The following TMPRSS15 variants were observed in gnomAD, a reference collection of about 807,000 sequenced individuals.
TMPRSS15 encodes the protein enteropeptidase.
TMPRSS15 carries 128 observed loss-of-function variants against 125.3 expected under a neutral mutation model. The ratio of observed to expected loss-of-function variants is 1.02; its 90% confidence interval spans 0.89 to 1.18. The LOEUF (loss-of-function observed/expected upper bound fraction) is 1.18. Among genes scored for constraint, TMPRSS15 ranks in the 50% most tolerant of loss-of-function variants. The pLI is 0.00. For missense variants in TMPRSS15, 1,283 were observed against 1,212.7 expected (o/e 1.06, Z -0.86); for synonymous variants, 446 against 423.2 (o/e 1.05, Z -0.66).
intron 16 of TMPRSS15, among the ~76,000 whole-genome samples, chr21:18,319,619 G>A (rs1056954730): frequency 6.6e-6 from 1 of 151,832 alleles, no homozygotes; most frequent in African/African-American, 2.4e-5. Context: ...GGTGAGACGG[G>A]GTTTTCTCAA....
At chr21:18,369,859 C>T (rs1372003816) in intron 6 of TMPRSS15, among the ~76,000 whole-genome samples, 1 of 150,760 alleles carries the variant, frequency 6.6e-6, no homozygotes, top group Non-Finnish European at 1.5e-5. Context: ...AATAAAGCAA[C>T]TTGTACTCTT....
At chr21:18,485,547 T>A (rs1234510980) in intron 1 of TMPRSS15, among the ~76,000 whole-genome samples, 1 of 152,068 alleles carries the variant, frequency 6.6e-6, no homozygotes, top group Non-Finnish European at 1.5e-5. Flanking sequence ...TAATCATGTA[T>A]AGTTACAAAA....
intron 16 of TMPRSS15, among the ~76,000 whole-genome samples, chr21:18,322,078 T>C (rs934739864): frequency 6.6e-6 from 1 of 152,194 alleles, no homozygotes; most frequent in African/African-American, 2.4e-5. Context: ...CACCATAAAA[T>C]TGGTGTCTTT....
At chr21:18,337,972 C>T (rs891709625) in intron 13 of TMPRSS15, among the ~76,000 whole-genome samples, 2 of 152,120 alleles carry the variant, frequency 1.3e-5, no homozygotes, top group Non-Finnish European at 2.9e-5. Context: ...AGACTCCGGG[C>T]AGATTCTAAA....
At chr21:18,318,422 A>G (rs1191617338) in intron 16 of TMPRSS15, among the ~76,000 whole-genome samples, 1 of 152,172 alleles carries the variant, frequency 6.6e-6, no homozygotes, top group Middle Eastern at 3.2e-3. Context: ...ATAAATAAAT[A>G]AATAAAAATA....
intron 1 of TMPRSS15, among the ~76,000 whole-genome samples, chr21:18,422,660 A>C (rs377301160): frequency 3.3e-5 from 5 of 152,258 alleles, no homozygotes; most frequent in East Asian, 1.9e-4. Context: ...TGAGGCACAA[A>C]GCATTTAAAT....
intron 4 of TMPRSS15, among the ~76,000 whole-genome samples, chr21:18,381,868 C>G (rs2075895925): frequency 6.6e-6 from 1 of 151,974 alleles, no homozygotes; most frequent in Admixed American, 6.6e-5. Context: ...GGAGAAATAA[C>G]TAACAGGTGC....
intron 4 of TMPRSS15, among the ~76,000 whole-genome samples, chr21:18,379,778 T>C (rs1264837412): frequency 1.3e-5 from 2 of 152,094 alleles, no homozygotes; most frequent in Non-Finnish European, 2.9e-5. Flanking sequence ...ATGTTACTTA[T>C]TATTTAATTT....
At chr21:18,401,765 A>C (rs2076096639) in intron 1 of TMPRSS15, among the ~76,000 whole-genome samples, 1 of 152,228 alleles carries the variant, frequency 6.6e-6, no homozygotes, top group African/African-American at 2.4e-5. Flanking sequence ...AGCAGTATGC[A>C]TTATGATCTC....
intron 18 of TMPRSS15, among the ~76,000 whole-genome samples, chr21:18,304,786 A>T (rs567433602): frequency 1.5e-4 from 23 of 152,286 alleles, no homozygotes; most frequent in Admixed American, 9.2e-4. Flanking sequence ...GGATTTAAAA[A>T]TTTTTGATAA....
At chr21:18,365,027 C>T (rs551214336) in intron 7 of TMPRSS15, 113 bp downstream of exon 7, 2 of 892,932 alleles carry the variant, frequency 2.2e-6, no homozygotes, top group Admixed American at 2.1e-5. Flanking sequence ...GAGGTTTTTG[C>T]TTCATAGTTA....
At chr21:18,479,642 C>T (rs1978943482) in intron 1 of TMPRSS15, among the ~76,000 whole-genome samples, 1 of 152,024 alleles carries the variant, frequency 6.6e-6, no homozygotes, top group South Asian at 2.1e-4. Context: ...AAAAAAAGCT[C>T]ATCATCACTG....
At chr21:18,409,903 T>TTCCCTCCC (rs1163794245) in intron 1 of TMPRSS15, among the ~76,000 whole-genome samples, 1 of 113,400 alleles carries the variant, frequency 8.8e-6, no homozygotes, top group African/African-American at 3.3e-5. Flanking sequence ...TCCTTCCTTC[T>TTCCCTCCC]TCCCTCCCTC....
At chr21:18,475,767 T>C (rs1978869537) in intron 1 of TMPRSS15, among the ~76,000 whole-genome samples, 1 of 152,232 alleles carries the variant, frequency 6.6e-6, no homozygotes, top group East Asian at 1.9e-4. Flanking sequence ...ACGACTAGCA[T>C]GTGCTATAAT....
chr21:18,430,960 C>G (rs1407791885), intron 1 of TMPRSS15, among the ~76,000 whole-genome samples: 1 of 152,154 alleles, frequency 6.6e-6, no homozygotes. Context: ...TGCTCCAAAA[C>G]TCTACACATG....
At chr21:18,484,234 GA>G (rs1979036217) in intron 1 of TMPRSS15, among the ~76,000 whole-genome samples, 1 of 151,736 alleles carries the variant, frequency 6.6e-6, no homozygotes, top group South Asian at 2.1e-4. Context: ...TTCTAGTACT[GA>G]ATTTACTCAC....
At chr21:18,416,489 A>T (rs2076180531) in intron 1 of TMPRSS15, among the ~76,000 whole-genome samples, 1 of 152,048 alleles carries the variant, frequency 6.6e-6, no homozygotes, top group African/African-American at 2.4e-5. Context: ...ACTTACTATT[A>T]TCATAAGGCA....
upstream of TMPRSS15, among the ~76,000 whole-genome samples, chr21:18,406,269 A>G (rs901421128): frequency 6.6e-6 from 1 of 152,110 alleles, no homozygotes; most frequent in South Asian, 2.1e-4. Flanking sequence ...AGAGTGGAAT[A>G]TTCATTTGCC....
In TMPRSS15 at chr21:18,324,347, A is replaced by G. The variant is rs147738361; in HGVS notation, c.1921+2085T>C. On this transcript the variant is annotated intron_variant, in intron 16 of 24. Coordinates refer to ENST00000284885, the MANE Select transcript of TMPRSS15 (RefSeq NM_002772.3). Reference sequence around the variant, plus strand: ...TTCTTCATCATGCTTTCCTGCAGCAATTTTTGTGGAAATGTGTGTGTTCTG... The same window carrying G: ...TTCTTCATCATGCTTTCCTGCAGCAGTTTTTGTGGAAATGTGTGTGTTCTG... Among the ~76,000 whole-genome samples, 324 of 152,232 alleles carry G rather than the reference A, an allele frequency of 2.1e-3. 3 individuals carry two copies. Among genetic ancestry groups the G allele is most frequent in the African/African-American group, 7.6e-3 (316 of 41,534 alleles).
Sources: allele counts gnomAD v4.1 joint callset (sites outside exome capture counted in the v4.1 genomes callset), GRCh38; gene constraint gnomAD v4.1.1; transcripts MANE v1.5; gene names NCBI Gene and HGNC (gene_info 2026-07-23, HGNC 2026-07-21).